The following SLIT3 variants were observed in gnomAD, a reference collection of about 807,000 sequenced individuals.
SLIT3 encodes the protein slit homolog 3 protein.
In SLIT3, 68 loss-of-function variants were observed where a neutral mutation model predicts 184.0. The ratio of observed to expected loss-of-function variants is 0.37; its 90% CI spans 0.30 to 0.45. The LOEUF (loss-of-function observed/expected upper bound fraction) is 0.45. SLIT3 is among the 20% of genes least tolerant of loss of function. The pLI is 1.00. For synonymous variants in SLIT3, 831 were observed against 828.6 expected, an observed-to-expected ratio of 1.00 and a Z score of -0.05; for missense variants, 1,707 against 2,026.0, an observed-to-expected ratio of 0.84 and a Z score of 3.02.
chr5:169,137,863 C>A (rs1056248824), intron 4 of SLIT3, among the ~76,000 whole-genome samples: 3 of 152,180 alleles, frequency 2.0e-5, no homozygotes, highest in African/African-American at 7.2e-5. Context: ...TGGTCTTGAC[C>A]TGTGGGCTCC....
At chr5:168,797,023 C>G (rs140630480) in intron 9 of SLIT3, among the ~76,000 whole-genome samples, 1 of 151,760 alleles carries the variant, frequency 6.6e-6, no homozygotes, top group East Asian at 2.0e-4. Flanking sequence ...GAGACTGCCA[C>G]GATCTATTAA....
At chr5:169,184,417 C>A (rs1310041211) in intron 4 of SLIT3, among the ~76,000 whole-genome samples, 1 of 152,222 alleles carries the variant, frequency 6.6e-6, no homozygotes, top group Non-Finnish European at 1.5e-5. Flanking sequence ...CATAAAAACA[C>A]CTTTCATGCA....
At chr5:169,040,766 T>C (rs1351549363) in intron 4 of SLIT3, among the ~76,000 whole-genome samples, 2 of 152,210 alleles carry the variant, frequency 1.3e-5, no homozygotes, top group Admixed American at 1.3e-4. Flanking sequence ...CAATTATCCC[T>C]TTTCGAAAGG....
intron 16 of SLIT3, among the ~76,000 whole-genome samples, chr5:168,756,254 G>A (rs1205368135): frequency 6.6e-6 from 1 of 152,238 alleles, no homozygotes; most frequent in East Asian, 1.9e-4. Flanking sequence ...TCCCTGGTCT[G>A]AGCTCTGGGC....
At chr5:168,959,087 TTGAAAAGAATG>T (rs1343005894) in intron 4 of SLIT3, among the ~76,000 whole-genome samples, 1 of 152,262 alleles carries the variant, frequency 6.6e-6, no homozygotes, top group African/African-American at 2.4e-5. Flanking sequence ...GGGCTGAGAT[TTGAAAAGAATG>T]TGGTTGCTTT....
At chr5:168,683,751 C>T (rs1278705732) in intron 32 of SLIT3, among the ~76,000 whole-genome samples, 3 of 152,230 alleles carry the variant, frequency 2.0e-5, no homozygotes, top group Non-Finnish European at 2.9e-5. Context: ...CTCCCCTCTG[C>T]GGGCCTGCCT....
Position 168,817,214 on chromosome 5 carries a change from T to C in SLIT3, c.793+86A>G, listed in dbSNP as rs1191893043. The C allele has an allele frequency of 9.5e-6, 12 of 1,260,744 alleles. No homozygotes were observed. In the South Asian group the frequency reaches 1.2e-4, roughly 12 times the overall value. The allele number at this position is 1,260,744 out of a possible 1,614,324, so 78.1% of individuals were successfully genotyped here. A position where few individuals can be genotyped will look rare whatever the true frequency, so the allele number is the denominator to read the frequency against. The stretch of plus-strand genomic sequence containing the variant: ...CCACACCAAGCTCTGGGCTAGGGTA[T>C]GTGTTCAAGGTCAGGGTGATGTTGT... On this transcript the variant is annotated intron_variant, in intron 8 of 35. Transcript: ENST00000519560.
At position 168,722,914 on chromosome 5, in the gene SLIT3, A is replaced by G. The variant is rs1209123603; in HGVS notation, c.2411+19T>C. On this transcript the variant is annotated intron_variant, in intron 22 of 35. Coordinates refer to ENST00000519560, the MANE Select transcript of SLIT3 (RefSeq NM_003062.4). Reference sequence around the variant, plus strand: ...CTAGGCCCAAGGGCATGGTAAACACAGCATCTCAGTGTACTCACAGAGTGG... The same window carrying G: ...CTAGGCCCAAGGGCATGGTAAACACGGCATCTCAGTGTACTCACAGAGTGG... 6.3e-7 allele frequency: 1 copy of G among 1,582,552 alleles called. No individual in the cohort carries two copies. The highest frequency in any genetic ancestry group is 8.7e-7 in the Non-Finnish European group (1 of 1,151,132).
intron 4 of SLIT3, among the ~76,000 whole-genome samples, chr5:168,942,046 C>T (rs969391811): frequency 4.6e-5 from 7 of 152,096 alleles, no homozygotes; most frequent in Admixed American, 6.6e-5. Flanking sequence ...AGGAGTGGGG[C>T]CAGGCTAGTC....
intron 26 of SLIT3, 35 bp from the exon 27 acceptor site, chr5:168,700,714 G>A: frequency 6.7e-7 from 1 of 1,503,442 alleles, no homozygotes; most frequent in Middle Eastern, 1.8e-4. Flanking sequence ...ACCTGGTTAG[G>A]GGGACTTCTG....
chr5:169,135,462 A>G (rs964128740), intron 4 of SLIT3, among the ~76,000 whole-genome samples: 1 of 152,080 alleles, frequency 6.6e-6, no homozygotes, highest in Non-Finnish European at 1.5e-5. Flanking sequence ...CTGGGTTCAT[A>G]AGACCAATTT....
intron 5 of SLIT3, among the ~76,000 whole-genome samples, chr5:168,857,373 T>TTTTTGTTTTGTTTTG (rs71593196): frequency 1.3e-4 from 20 of 150,934 alleles, no homozygotes; most frequent in East Asian, 5.9e-4. Context: ...AGAGTTTTTG[T>TTTTTGTTTTGTTTTG]TTTTGTTTTG....
intron 4 of SLIT3, among the ~76,000 whole-genome samples, chr5:169,178,463 AAGAGCTTACAC>A (rs1311967464): frequency 3.3e-5 from 5 of 152,230 alleles, no homozygotes; most frequent in African/African-American, 1.2e-4. Flanking sequence ...CTGTAGAGAC[AAGAGCTTACAC>A]AGAGCTTGGC....
intron 4 of SLIT3, among the ~76,000 whole-genome samples, chr5:169,118,910 A>G (rs2113282411): frequency 6.6e-6 from 1 of 152,248 alleles, no homozygotes; most frequent in African/African-American, 2.4e-5. Flanking sequence ...TTACAGTTTT[A>G]GTGGTATTCT....
intron 6 of SLIT3, among the ~76,000 whole-genome samples, chr5:168,841,122 T>A (rs778793457): frequency 1.3e-5 from 2 of 152,258 alleles, no homozygotes; most frequent in Non-Finnish European, 2.9e-5. Context: ...ACAGCCGCCA[T>A]GCTTCAGGGC....
chr5:168,766,658 G>C (rs1331651595), intron 14 of SLIT3, among the ~76,000 whole-genome samples: 1 of 152,224 alleles, frequency 6.6e-6, no homozygotes, highest in Non-Finnish European at 1.5e-5. Context: ...ACTGATGGAA[G>C]GGCACCATTA....
chr5:168,736,920 C>T (rs370527588), intron 20 of SLIT3, among the ~76,000 whole-genome samples: 3 of 152,188 alleles, frequency 2.0e-5, no homozygotes, highest in Non-Finnish European at 2.9e-5. Flanking sequence ...TCAGTAGCTC[C>T]GGTTATCTCA....
chr5:168,855,805 T>C lies in SLIT3; in HGVS notation c.486-11150A>G, dbSNP rs552698917. ...AATGTTTTAGAAATAGACAAAAGTT[T>C]ACCGTCCCCACTCTCTTTGCCTAAA... is the stretch of plus-strand genomic sequence containing the variant. On this transcript the variant is annotated intron_variant, in intron 5 of 35. Coordinates refer to ENST00000519560, the MANE Select transcript of SLIT3 (RefSeq NM_003062.4). 1.1e-4 allele frequency among the ~76,000 whole-genome samples: 16 copies of C among 152,262 alleles called. No homozygotes were observed. In the East Asian group the frequency reaches 3.1e-3, roughly 29 times the overall value.
chr5:169,196,570 G>A (rs1263254345), intron 3 of SLIT3, among the ~76,000 whole-genome samples: 1 of 152,180 alleles, frequency 6.6e-6, no homozygotes, highest in Non-Finnish European at 1.5e-5. Context: ...CTCATGGTAG[G>A]TGTCATTATT....
Sources: gnomAD v4.1 joint callset for allele counts (sites outside exome capture counted in the v4.1 genomes callset) on GRCh38, gnomAD v4.1.1 for gene constraint, MANE v1.5 for transcripts, NCBI Gene and HGNC (gene_info 2026-07-23, HGNC 2026-07-21) for gene names.